Variants in ZNF782 observed in about 807,000 individuals in gnomAD.
The protein encoded by ZNF782 is zinc finger protein 782.
Under a neutral mutation model 13.0 loss-of-function variants are expected in ZNF782, and 12 were observed. The ratio of observed to expected loss-of-function variants is 0.92; its 90% CI spans 0.59 to 1.50. The LOEUF (loss-of-function observed/expected upper bound fraction) is 1.50, where lower values mean the gene tolerates loss of function less well. Among genes scored for constraint, ZNF782 ranks in the 40% most tolerant of loss-of-function variants. ZNF782 has a pLI of 0.00. For missense variants in ZNF782, 770 were observed against 822.9 expected (o/e 0.94, Z 0.79); for synonymous variants, 284 against 283.0 (o/e 1.00, Z -0.04).
the ZNF782 span, among the ~76,000 whole-genome samples, chr9:96,907,659 GAC>G: frequency 6.7e-6 from 1 of 149,012 alleles, no homozygotes; most frequent in Non-Finnish European, 1.5e-5. Context: ...GTGTGTGTAA[GAC>G]AGAGTTTCAC....
chr9:96,863,791 A>T (rs1851730621), intron 1 of ZNF782, among the ~76,000 whole-genome samples: 1 of 152,198 alleles, frequency 6.6e-6, no homozygotes, highest in African/African-American at 2.4e-5. Context: ...GTTCTCACTT[A>T]TAGGTGGGAG....
At position 96,818,669 on chromosome 9, in the gene ZNF782, ATTCGAATGGT is replaced by A. The variant is rs1850276724; in HGVS notation, c.1344_1353del (p.Lys448AsnfsTer16). 4 of 1,614,122 alleles carry A rather than the reference ATTCGAATGGT, an allele frequency of 2.5e-6. No individual in the cohort carries two copies. Among genetic ancestry groups the A allele is most frequent in the Non-Finnish European group, 2.5e-6 (3 of 1,180,010 alleles). On this transcript the variant is annotated frameshift_variant, in exon 6 of 6. Transcript: ENST00000481138. LOFTEE classifies it low-confidence loss of function (END_TRUNC). ...TTAAAAGATTTCCCACATTCATGACATTCGAATGGTTTCTCCCCTGTGTGGGTTCTCTGGT... is the reference window on the plus strand; with the variant it reads ...TTAAAAGATTTCCCACATTCATGACATTCTCCCCTGTGTGGGTTCTCTGGT...
At chr9:96,857,741 A>G (rs1851661795), upstream of ZNF782, among the ~76,000 whole-genome samples, 2 of 152,098 alleles carry the variant, frequency 1.3e-5, no homozygotes. Context: ...ATTTTTCAAT[A>G]TTTTTTTGCT....
chr9:96,890,933 T>C, the ZNF782 span: 4 of 152,206 alleles, frequency 2.6e-5, no homozygotes, highest in East Asian at 1.9e-4. Flanking sequence ...ATGCACACAA[T>C]AGAACATTAC....
At chr9:96,836,541 T>C (rs545655092) in intron 4 of ZNF782, among the ~76,000 whole-genome samples, 36 of 152,326 alleles carry the variant, frequency 2.4e-4, no homozygotes, top group African/African-American at 8.7e-4. Context: ...AGCTGGACTT[T>C]GGACTTTTAA....
chr9:96,917,938 G>T, the ZNF782 span, among the ~76,000 whole-genome samples: 1 of 148,654 alleles, frequency 6.7e-6, no homozygotes, highest in East Asian at 2.0e-4. Flanking sequence ...GTAGATGGGG[G>T]TCTGTGTTGC....
chr9:96,929,049 G>C, the ZNF782 span: 1 of 1,610,686 alleles, frequency 6.2e-7, no homozygotes, highest in Non-Finnish European at 8.5e-7. Context: ...AGGTGAGCCT[G>C]TAGGGATGGG....
At chr9:96,827,806 G>A (rs911869013) in intron 4 of ZNF782, among the ~76,000 whole-genome samples, 1 of 152,178 alleles carries the variant, frequency 6.6e-6, no homozygotes, top group Non-Finnish European at 1.5e-5. Context: ...ATAAAAAATG[G>A]TAATTAGGTT....
upstream of ZNF782, among the ~76,000 whole-genome samples, chr9:96,858,872 G>A (rs967164484): frequency 1.3e-5 from 2 of 152,156 alleles, no homozygotes; most frequent in African/African-American, 4.8e-5. The surrounding 1 kb of genome is among the most constrained non-coding windows in gnomAD (Gnocchi z 4.4). Flanking sequence ...CGTGCTTGGC[G>A]GAGGGAGAGC....
At chr9:96,905,880 G>A in the ZNF782 span, among the ~76,000 whole-genome samples, 5 of 152,076 alleles carry the variant, frequency 3.3e-5, no homozygotes, top group East Asian at 3.9e-4. Flanking sequence ...CACCGTGCCC[G>A]GCCTATTCCT....
chr9:96,859,245 C>T (rs1371061579), upstream of ZNF782, among the ~76,000 whole-genome samples: 1 of 152,196 alleles, frequency 6.6e-6, no homozygotes, highest in African/African-American at 2.4e-5. Context: ...TGCTGTGCCG[C>T]GCTTGGAGCC....
chr9:96,886,288 T>C, the ZNF782 span, among the ~76,000 whole-genome samples: 440 of 147,510 alleles, frequency 3.0e-3, 2 homozygotes, highest in Admixed American at 7.4e-3. Context: ...CCAGACACAA[T>C]AGCTCACAAG....
intron 5 of ZNF782, among the ~76,000 whole-genome samples, chr9:96,820,557 T>TC: frequency 6.7e-6 from 1 of 149,184 alleles, no homozygotes; most frequent in South Asian, 2.1e-4. Flanking sequence ...TTTTTTTTTT[T>TC]TCTTTTTTTT....
chr9:96,889,701 C>T, the ZNF782 span: 1 of 152,002 alleles, frequency 6.6e-6, no homozygotes, highest in Non-Finnish European at 1.5e-5. Context: ...GCGCCCAGCC[C>T]CAAAACTAAG....
chr9:96,885,358 T>C, the ZNF782 span, among the ~76,000 whole-genome samples: 2 of 152,068 alleles, frequency 1.3e-5, no homozygotes, highest in Admixed American at 1.3e-4. Context: ...ATAAAAAGCC[T>C]GCTGGATATG....
At chr9:96,912,286 G>A in the ZNF782 span, among the ~76,000 whole-genome samples, 1 of 143,972 alleles carries the variant, frequency 6.9e-6, no homozygotes, top group Non-Finnish European at 1.5e-5. Flanking sequence ...TTTTTTTCTG[G>A]GAGGCTAAGG....
intron 5 of ZNF782, among the ~76,000 whole-genome samples, chr9:96,822,305 A>G (rs1850449442): frequency 6.6e-6 from 1 of 152,012 alleles, no homozygotes; most frequent in East Asian, 1.9e-4. Context: ...GTTATATTGC[A>G]TGGACTCAAT....
intron 1 of ZNF782, among the ~76,000 whole-genome samples, chr9:96,868,508 C>T (rs1465076177): frequency 1.3e-5 from 2 of 152,196 alleles, no homozygotes; most frequent in Non-Finnish European, 2.9e-5. Flanking sequence ...TAAGGGTTTT[C>T]TCCCTTGAAT....
At position 96,849,640 on chromosome 9, in the gene ZNF782, C is replaced by T. The variant is rs141246009; in HGVS notation, c.15+2307G>A. Among the ~76,000 whole-genome samples the T allele has an allele frequency of 8.5e-3, 1,295 of 152,178 alleles. 5 individuals are homozygous for T. The highest frequency in any genetic ancestry group is 0.013 in the Non-Finnish European group (884 of 67,990). Reference sequence around the variant, plus strand: ...TCGTGACTAATACCCCAAAAGCAAACGCTACAAAAACAAAAATAAATTAAC... The same window carrying T: ...TCGTGACTAATACCCCAAAAGCAAATGCTACAAAAACAAAAATAAATTAAC... On this transcript the variant is annotated intron_variant, in intron 3 of 5. Transcript: ENST00000481138.
Sources: allele counts gnomAD v4.1 joint callset (sites outside exome capture counted in the v4.1 genomes callset), GRCh38; gene constraint gnomAD v4.1.1; non-coding constraint Gnocchi (gnomAD v3.1); transcripts MANE v1.5; gene names NCBI Gene and HGNC (gene_info 2026-07-23, HGNC 2026-07-21).